Variants in TPMT observed in about 807,000 individuals in gnomAD.
TPMT encodes S-adenosyl-L-methionine:thiopurine S-methyltransferase.
TPMT carries 18 observed loss-of-function variants against 34.2 expected under a neutral mutation model. The ratio of observed to expected loss-of-function variants is 0.53; its 90% CI spans 0.36 to 0.78. The LOEUF (loss-of-function observed/expected upper bound fraction) is 0.78. Among genes scored for constraint, TPMT ranks in the 30% least tolerant of loss-of-function variants. The probability of loss-of-function intolerance (pLI) is 0.00; values close to 1 mark genes in which losing one functional copy is unlikely to be tolerated. For missense variants in TPMT, 265 were observed against 288.1 expected (o/e 0.92, Z 0.58); for synonymous variants, 69 against 92.4 (o/e 0.75, Z 1.45).
intron 6 of TPMT, 54 bp from the exon 7 acceptor site, chr6:18,133,943 G>T: frequency 1.4e-6 from 2 of 1,478,028 alleles, no homozygotes; most frequent in Non-Finnish European, 1.9e-6. Flanking sequence ...GGCAAAGGCT[G>T]GAGGGACAAA....
chr6:18,133,694 T>G (rs1582037498), intron 7 of TPMT, 110 bp downstream of exon 7: 1 of 809,856 alleles, frequency 1.2e-6, no homozygotes, highest in Non-Finnish European at 2.0e-6. Context: ...ATATGCAGTA[T>G]GCTTCCTATG....
rs888179271 is a variant in TPMT at position 18,150,760 on chromosome 6, C to A, written c.-44-1589G>T. Reference sequence around the variant, plus strand: ...GCATAGCTCTGCTGGGTATCAAATTCTTGGTTAGAAGTGTGGGGGCCATAG... The same window carrying A: ...GCATAGCTCTGCTGGGTATCAAATTATTGGTTAGAAGTGTGGGGGCCATAG... On this transcript the variant is annotated intron_variant, in intron 1 of 8. Transcript: ENST00000309983. This position sits in a 1 kb window ranked among gnomAD's most constrained non-coding sequence, Gnocchi z 5.3. Among the ~76,000 whole-genome samples, 2 of 152,144 alleles carry A rather than the reference C, an allele frequency of 1.3e-5. No individual in the cohort carries two copies. Among genetic ancestry groups the A allele is most frequent in the Admixed American group, 6.5e-5 (1 of 15,274 alleles).
chr6:18,139,733 G>T lies in TPMT; in HGVS notation c.367-16C>A. 7.0e-7 allele frequency: 1 copy of T among 1,430,052 alleles called. No homozygotes were observed. The highest frequency in any genetic ancestry group is 1.2e-5 in the South Asian group (1 of 80,718). The allele number at this position is 1,430,052 out of a possible 1,614,324, so 88.6% of individuals were successfully genotyped here. A position where few individuals can be genotyped will look rare whatever the true frequency, so the allele number is the denominator to read the frequency against. On this transcript the variant is annotated splice_polypyrimidine_tract_variant and intron_variant, in intron 4 of 8. Transcript: ENST00000309983. The surrounding 1 kb of genome is among the most constrained non-coding windows in gnomAD (Gnocchi z 4.2). Reference sequence around the variant, plus strand: ...CCGAAGAACTCTGTAATGAAATAATGAAAAAAAAATTTTTTTTTTTTACTT... The same window carrying T: ...CCGAAGAACTCTGTAATGAAATAATTAAAAAAAAATTTTTTTTTTTTACTT...
In TPMT at chr6:18,150,304, C is replaced by A. The variant is rs866591918; in HGVS notation, c.-44-1133G>T. Among the ~76,000 whole-genome samples the A allele has an allele frequency of 6.6e-6, 1 of 152,302 alleles. No homozygotes were observed. On this transcript the variant is annotated intron_variant, in intron 1 of 8. Transcript: ENST00000309983. This position sits in a 1 kb window ranked among gnomAD's most constrained non-coding sequence, Gnocchi z 5.3. ...TGAGCTATTAGGAGGCTCTCCAAAC[C>A]CCATCCTCTTGGGTTTTTATGTAGG...
rs1015535094 is a variant in TPMT at position 18,145,177 on chromosome 6, C to T, written c.234-1449G>A. Among the ~76,000 whole-genome samples, 5 of 152,094 alleles carry T rather than the reference C, an allele frequency of 3.3e-5. No individual in the cohort carries two copies. Among genetic ancestry groups the T allele is most frequent in the East Asian group, 1.9e-4 (1 of 5,184 alleles). On this transcript the variant is annotated intron_variant, in intron 3 of 8. Coordinates refer to ENST00000309983, the MANE Select transcript of TPMT (RefSeq NM_000367.5). This position sits in a 1 kb window ranked among gnomAD's most constrained non-coding sequence, Gnocchi z 5.6. ...AAAATCACTGCACTATGCTAAATCA[C>T]GCACTAAAAATCCCCAGGCTGGTGG...
chr6:18,136,236 T>C lies in TPMT; in HGVS notation c.495-2347A>G, dbSNP rs960147073. Among the ~76,000 whole-genome samples the C allele has an allele frequency of 2.0e-5, 3 of 151,970 alleles. No individual in the cohort carries two copies. Among genetic ancestry groups the C allele is most frequent in the African/African-American group, 7.2e-5 (3 of 41,380 alleles). The stretch of plus-strand genomic sequence containing the variant: ...AGACATTAGCAGATGGGGTTTCATA[T>C]ACAAATGTGTCTCACGGAGACAGAG... On this transcript the variant is annotated intron_variant, in intron 6 of 8. Coordinates refer to ENST00000309983, the MANE Select transcript of TPMT (RefSeq NM_000367.5). The surrounding 1 kb of genome is among the most constrained non-coding windows in gnomAD (Gnocchi z 4.7).
Position 18,147,875 on chromosome 6 carries a change from T to A in TPMT, c.181A>T (p.Ser61Cys). ...AGAGGAAAAAATACCCTCAGTCCAC[T>A]CTTGCCTTTAAGGAAAGTATCTAAA... ...KHLDTFLKGKSGLRVFFPLCG... is the reference protein window; with the variant it reads ...KHLDTFLKGKCGLRVFFPLCG... Residue 61 changes from serine (S) to cysteine (C), a missense_variant, in exon 3 of 9, where the codon AGT (serine) becomes TGT (cysteine). Physicochemically the swap from Ser to Cys is moderately radical, Grantham distance 112. Transcript: ENST00000309983. 6.2e-7 allele frequency: 1 copy of A among 1,613,846 alleles called. No individual in the cohort carries two copies. The highest frequency in any genetic ancestry group is 8.5e-7 in the Non-Finnish European group (1 of 1,179,906).
At position 18,155,053 on chromosome 6, in the gene TPMT, G is replaced by T. The variant is rs1784464824; in HGVS notation, c.-65C>A. The T allele has an allele frequency of 6.6e-6, 1 of 152,598 alleles. No individual in the cohort carries two copies. The highest frequency in any genetic ancestry group is 1.5e-5 in the Non-Finnish European group (1 of 68,186). The allele number at this position is 152,598 out of a possible 1,614,324, so 9.5% of individuals were successfully genotyped here. ...CCTACCTCGCTTACAGCTGGTTGCCGGCCATTGCCTCCGCCACCAATGACG... is the reference window on the plus strand; with the variant it reads ...CCTACCTCGCTTACAGCTGGTTGCCTGCCATTGCCTCCGCCACCAATGACG... On this transcript the variant is annotated 5_prime_UTR_variant, in exon 1 of 9. Transcript: ENST00000309983. This position sits in a 1 kb window ranked among gnomAD's most constrained non-coding sequence, Gnocchi z 6.2.
In TPMT at chr6:18,139,546, A is replaced by T; in HGVS notation, c.419+119T>A. On this transcript the variant is annotated intron_variant, in intron 5 of 8. Transcript: ENST00000309983. This position sits in a 1 kb window ranked among gnomAD's most constrained non-coding sequence, Gnocchi z 4.2. ...ATATCTGCAGAACAGACATTCAAAAAAATGCTTTGTGGATGTTACACAGGA... is the reference window on the plus strand; with the variant it reads ...ATATCTGCAGAACAGACATTCAAAATAATGCTTTGTGGATGTTACACAGGA... 1 of 830,996 alleles carries T rather than the reference A, an allele frequency of 1.2e-6. No individual in the cohort carries two copies. Among genetic ancestry groups the T allele is most frequent in the South Asian group, 1.4e-5 (1 of 69,092 alleles). The allele number at this position is 830,996 out of a possible 1,614,324, so 51.5% of individuals were successfully genotyped here.
In TPMT at chr6:18,150,998, G is replaced by A. The variant is rs1197938519; in HGVS notation, c.-44-1827C>T. 6.6e-6 allele frequency among the ~76,000 whole-genome samples: 1 copy of A among 152,136 alleles called. No homozygotes were observed. The highest frequency in any genetic ancestry group is 1.5e-5 in the Non-Finnish European group (1 of 68,028). ...CAAAGTGCTGGGATTCCAGGCGTGG[G>A]CCACTGAGCCTGGCCATCCCTCTGC... On this transcript the variant is annotated intron_variant, in intron 1 of 8. Coordinates refer to ENST00000309983, the MANE Select transcript of TPMT (RefSeq NM_000367.5). The surrounding 1 kb of genome is among the most constrained non-coding windows in gnomAD (Gnocchi z 5.3).
intron 6 of TPMT, among the ~76,000 whole-genome samples, chr6:18,137,898 G>A (rs978703372): frequency 3.9e-5 from 6 of 152,188 alleles, no homozygotes; most frequent in South Asian, 4.1e-4. Context: ...TGATTCTCCT[G>A]CCACAGCCTC....
In TPMT at chr6:18,142,168, C is replaced by G. The variant is rs199907885; in HGVS notation, c.366+1428G>C. ...TTTTCCTCTCGGAAGTCCCCTCTCT[C>G]TCACTAAAGAGAGAGCTGTTTTATT... On this transcript the variant is annotated intron_variant, in intron 4 of 8. Transcript: ENST00000309983. 1.2e-4 allele frequency among the ~76,000 whole-genome samples: 18 copies of G among 152,192 alleles called. No individual in the cohort carries two copies. The East Asian group carries it at 3.3e-3, about 28-fold the overall frequency.
chr6:18,130,794 G>C lies in TPMT; in HGVS notation c.626-14C>G. On this transcript the variant is annotated splice_polypyrimidine_tract_variant and intron_variant, in intron 8 of 8. Coordinates refer to ENST00000309983, the MANE Select transcript of TPMT (RefSeq NM_000367.5). This position sits in a 1 kb window ranked among gnomAD's most constrained non-coding sequence, Gnocchi z 4.2. ...TGCATATTTTACCTGAAACAAGAAA[G>C]AGTAACATGTTAAAATACTATGAAG... 1 of 1,576,358 alleles carries C rather than the reference G, an allele frequency of 6.3e-7. No individual in the cohort carries two copies. Among genetic ancestry groups the C allele is most frequent in the South Asian group, 1.1e-5 (1 of 90,254 alleles).
In TPMT at chr6:18,153,516, C is replaced by T. The variant is rs1750294224; in HGVS notation, c.-45+1517G>A. ...ATTGCATAAAAGCATGTATTTCAGGCAAATTTCCCCTTTTGTTGCCAAATT... is the reference window on the plus strand; with the variant it reads ...ATTGCATAAAAGCATGTATTTCAGGTAAATTTCCCCTTTTGTTGCCAAATT... On this transcript the variant is annotated intron_variant, in intron 1 of 8. Coordinates refer to ENST00000309983, the MANE Select transcript of TPMT (RefSeq NM_000367.5). This position sits in a 1 kb window ranked among gnomAD's most constrained non-coding sequence, Gnocchi z 4.2. Among the ~76,000 whole-genome samples, 1 of 152,114 alleles carries T rather than the reference C, an allele frequency of 6.6e-6. No homozygotes were observed. The highest frequency in any genetic ancestry group is 2.1e-4 in the South Asian group (1 of 4,832).
In TPMT at chr6:18,133,788, A is replaced by C; in HGVS notation, c.580+16T>G. 6.3e-7 allele frequency: 1 copy of C among 1,581,780 alleles called. No individual in the cohort carries two copies. The highest frequency in any genetic ancestry group is 8.6e-7 in the Non-Finnish European group (1 of 1,167,516). On this transcript the variant is annotated intron_variant, in intron 7 of 8. Transcript: ENST00000309983. ...GGCAACTGGTAAAAGAAAAAAAAAA[A>C]ACCCAACAACTTTACCTGGATGTTT...
intron 3 of TPMT, among the ~76,000 whole-genome samples, chr6:18,144,910 G>A (rs975759451): frequency 2.2e-4 from 33 of 151,024 alleles, no homozygotes; most frequent in Non-Finnish European, 3.2e-4. Context: ...TAGTAGAGAC[G>A]GGGTTTCACC....
intron 4 of TPMT, among the ~76,000 whole-genome samples, chr6:18,142,459 T>C (rs1202604153): frequency 1.3e-5 from 2 of 152,096 alleles, no homozygotes; most frequent in African/African-American, 4.8e-5. Context: ...CGTTCCTAGT[T>C]GCCCACCTCC....
Position 18,151,573 on chromosome 6 carries a change from G to GATTTATTT in TPMT, c.-44-2410_-44-2403dup, listed in dbSNP as rs70974705. Reference sequence around the variant, plus strand: ...TGAGTGGATTTCATTTGGAAACCTAGATTTATTTATTTATTTATTTATTTA... The same window carrying GATTTATTT: ...TGAGTGGATTTCATTTGGAAACCTAGATTTATTTATTTATTTATTTATTTATTTATTTA... On this transcript the variant is annotated intron_variant, in intron 1 of 8. Coordinates refer to ENST00000309983, the MANE Select transcript of TPMT (RefSeq NM_000367.5). 3.8e-3 allele frequency among the ~76,000 whole-genome samples: 550 copies of GATTTATTT among 143,364 alleles called. 4 individuals carry two copies. Among genetic ancestry groups the GATTTATTT allele is most frequent in the East Asian group, 0.016 (76 of 4,848 alleles). The allele number at this position is 143,364 out of a possible 152,430, so 94.1% of individuals were successfully genotyped here. A position where few individuals can be genotyped will look rare whatever the true frequency, so the allele number is the denominator to read the frequency against.
intron 7 of TPMT, among the ~76,000 whole-genome samples, chr6:18,133,095 A>T (rs1783976856): frequency 6.6e-6 from 1 of 152,168 alleles, no homozygotes; most frequent in Admixed American, 6.5e-5. Flanking sequence ...TGTGTCTCAA[A>T]AACAAAACAA....
Sources: allele counts gnomAD v4.1 joint callset (sites outside exome capture counted in the v4.1 genomes callset), GRCh38; gene constraint gnomAD v4.1.1; non-coding constraint Gnocchi (gnomAD v3.1); transcripts MANE v1.5; gene names NCBI Gene and HGNC (gene_info 2026-07-23, HGNC 2026-07-21).